Variants in RALGPS1 observed in about 807,000 individuals in gnomAD.
The protein encoded by RALGPS1 is ras-specific guanine nucleotide-releasing factor RalGPS1.
RALGPS1 carries 19 observed loss-of-function variants against 78.8 expected under a neutral mutation model. The ratio of observed to expected loss-of-function variants is 0.24; its 90% CI spans 0.17 to 0.35. RALGPS1 has a LOEUF of 0.35. Among genes scored for constraint, RALGPS1 ranks in the 10% least tolerant of loss-of-function variants. The pLI, the probability that RALGPS1 is intolerant of heterozygous loss-of-function variation, is 1.00. For synonymous variants in RALGPS1, 228 were observed against 256.3 expected (o/e 0.89, Z 1.06); for missense variants, 454 against 688.3 (o/e 0.66, Z 3.81).
chr9:126,976,832 G>C (rs1390286769), intron 3 of RALGPS1, among the ~76,000 whole-genome samples: 2 of 152,194 alleles, frequency 1.3e-5, no homozygotes, highest in African/African-American at 4.8e-5. Context: ...GGAGGTAGGT[G>C]GATCACGTGA....
intron 8 of RALGPS1, among the ~76,000 whole-genome samples, chr9:127,142,284 A>T (rs1016343760): frequency 4.6e-5 from 7 of 152,210 alleles, no homozygotes; most frequent in African/African-American, 1.4e-4. Flanking sequence ...CAGTAGGAGT[A>T]GAGTGTCTAA....
chr9:127,034,534 T>C lies in RALGPS1; in HGVS notation c.300+20T>C. 2 of 1,606,006 alleles carry C rather than the reference T, an allele frequency of 1.2e-6. No homozygotes were observed. Among genetic ancestry groups the C allele is most frequent in the South Asian group, 1.1e-5 (1 of 90,882 alleles). The stretch of plus-strand genomic sequence containing the variant: ...AACCAGGTAAGCAACACCCCTTGCA[T>C]GTGCCTATCCAGAGAGCAATCTGCT... On this transcript the variant is annotated intron_variant, in intron 5 of 18. Coordinates refer to ENST00000259351, the MANE Select transcript of RALGPS1 (RefSeq NM_014636.3).
intron 8 of RALGPS1, among the ~76,000 whole-genome samples, chr9:127,121,326 G>A (rs182848133): frequency 2.0e-5 from 3 of 152,354 alleles, no homozygotes; most frequent in East Asian, 1.9e-4. Context: ...AGGTAGAAGA[G>A]CTGGGATTTG....
At chr9:126,920,702 C>T (rs1227735529) in intron 1 of RALGPS1, among the ~76,000 whole-genome samples, 1 of 152,192 alleles carries the variant, frequency 6.6e-6, no homozygotes, top group Non-Finnish European at 1.5e-5. Context: ...ACCTGCCTTG[C>T]TGGGCTCTTG....
chr9:127,116,964 C>G (rs887769848), intron 8 of RALGPS1, among the ~76,000 whole-genome samples: 1 of 152,178 alleles, frequency 6.6e-6, no homozygotes, highest in Non-Finnish European at 1.5e-5. Flanking sequence ...AATTGGCCTC[C>G]CTGCCTTTGG....
chr9:127,182,195 A>T (rs1295660894), intron 11 of RALGPS1, among the ~76,000 whole-genome samples: 4 of 141,486 alleles, frequency 2.8e-5, no homozygotes, highest in Non-Finnish European at 3.1e-5. Context: ...AAAAAAAAAA[A>T]TTAGCAAGGC....
rs890133246 is a variant in RALGPS1 at position 127,210,510 on chromosome 9, G to A, written c.1248-1621G>A. 2.7e-5 allele frequency: 16 copies of A among 596,058 alleles called. No homozygotes were observed. In the African/African-American group the frequency reaches 3.0e-4, roughly 11 times the overall value. 36.9% of individuals were successfully genotyped at this position (596,058 alleles called of 1,614,324 possible). On this transcript the variant is annotated intron_variant, in intron 14 of 18. Coordinates refer to ENST00000259351, the MANE Select transcript of RALGPS1 (RefSeq NM_014636.3). The stretch of plus-strand genomic sequence containing the variant: ...GACTCTGAGGGGTGCTGTGTTTACT[G>A]GCCTGGCAGCTCCAGGTGTGCTTGT...
chr9:127,132,189 C>G (rs2057049817), intron 8 of RALGPS1, among the ~76,000 whole-genome samples: 1 of 152,122 alleles, frequency 6.6e-6, no homozygotes, highest in African/African-American at 2.4e-5. Flanking sequence ...TTTCACTCTT[C>G]TGAGTGTCAT....
At chr9:126,918,591 G>C (rs1441293331) in intron 1 of RALGPS1, among the ~76,000 whole-genome samples, 1 of 151,740 alleles carries the variant, frequency 6.6e-6, no homozygotes, top group Admixed American at 6.6e-5. Flanking sequence ...AAAGTGCTGA[G>C]ATTACAGGCA....
intron 4 of RALGPS1, among the ~76,000 whole-genome samples, chr9:127,025,012 T>C (rs190865630): frequency 8.7e-4 from 133 of 152,336 alleles, no homozygotes; most frequent in African/African-American, 3.1e-3. Context: ...TGTGGAGACC[T>C]TGTCTGTCAA....
intron 8 of RALGPS1, among the ~76,000 whole-genome samples, chr9:127,093,486 ACT>A (rs2052731817): frequency 6.6e-6 from 1 of 151,714 alleles, no homozygotes; most frequent in African/African-American, 2.4e-5. Context: ...TGGTCTACTG[ACT>A]CTTGTCCTGC....
chr9:127,127,258 G>A (rs2138044229), intron 8 of RALGPS1, among the ~76,000 whole-genome samples: 1 of 152,250 alleles, frequency 6.6e-6, no homozygotes, highest in East Asian at 1.9e-4. Flanking sequence ...ACTGGGAAAT[G>A]CTCTAGTATG....
intron 5 of RALGPS1, 111 bp from the exon 6 acceptor site, chr9:127,049,932 T>A: frequency 3.8e-6 from 3 of 796,418 alleles, no homozygotes; most frequent in Middle Eastern, 2.3e-4. Context: ...CCCAGTTTCC[T>A]GACCTCTTGG....
At chr9:127,049,930 C>A (rs2048151333) in intron 5 of RALGPS1, 113 bp from the exon 6 acceptor site, 18 of 782,746 alleles carry the variant, frequency 2.3e-5, no homozygotes, top group South Asian at 9.1e-5. Flanking sequence ...CTCCCAGTTT[C>A]CTGACCTCTT....
chr9:127,052,503 C>T (rs977652761), intron 6 of RALGPS1, among the ~76,000 whole-genome samples: 1 of 152,170 alleles, frequency 6.6e-6, no homozygotes. Flanking sequence ...AGAAGACCCA[C>T]ATTGATGCTG....
In RALGPS1 at chr9:127,221,089, G is replaced by A. The variant is rs2062761410; in HGVS notation, c.*2320G>A. 2 of 152,276 alleles carry A rather than the reference G, an allele frequency of 1.3e-5. No homozygotes were observed. The highest frequency in any genetic ancestry group is 1.3e-4 in the Admixed American group (2 of 15,286). 9.4% of individuals were successfully genotyped at this position (152,276 alleles called of 1,614,324 possible). On this transcript the variant is annotated 3_prime_UTR_variant, in exon 19 of 19. Transcript: ENST00000259351. ...TAGAAGCAGTAAGAGGCTTGACCAC[G>A]CCGGAAGAGTCCTGGAGCTAAAGCT...
Position 126,983,711 on chromosome 9 carries a change from C to T in RALGPS1, c.216+5966C>T, listed in dbSNP as rs540273761. 4.6e-5 allele frequency among the ~76,000 whole-genome samples: 7 copies of T among 152,092 alleles called. No individual in the cohort carries two copies. In the South Asian group the frequency reaches 8.3e-4, roughly 18 times the overall value. On this transcript the variant is annotated intron_variant, in intron 4 of 18. Coordinates refer to ENST00000259351, the MANE Select transcript of RALGPS1 (RefSeq NM_014636.3). ...TCCATCCTCCCTCTCCTCCCTCATG[C>T]GCTTAACTTATTGAAAGGTTAGTCG...
At chr9:126,919,266 A>AC (rs1184061006) in intron 1 of RALGPS1, among the ~76,000 whole-genome samples, 1 of 151,296 alleles carries the variant, frequency 6.6e-6, no homozygotes, top group African/African-American at 2.4e-5. Flanking sequence ...TTGTACCTCC[A>AC]CCCCCCACAC....
At chr9:127,002,000 A>G (rs1002490546) in intron 4 of RALGPS1, among the ~76,000 whole-genome samples, 1 of 152,252 alleles carries the variant, frequency 6.6e-6, no homozygotes, top group African/African-American at 2.4e-5. Context: ...TAAAATGCAT[A>G]TAATCAGGTA....
Sources: gnomAD v4.1 joint callset for allele counts (sites outside exome capture counted in the v4.1 genomes callset) on GRCh38, gnomAD v4.1.1 for gene constraint, MANE v1.5 for transcripts, NCBI Gene and HGNC (gene_info 2026-07-23, HGNC 2026-07-21) for gene names.